NT5DC1: variants seen among roughly 807,000 people sequenced by gnomAD.
The protein encoded by NT5DC1 is 5'-nucleotidase domain containing 1.
NT5DC1 carries 42 observed loss-of-function variants against 59.4 expected under a neutral mutation model. That is an observed-to-expected ratio of 0.71 (90% CI 0.55 to 0.92). The LOEUF (loss-of-function observed/expected upper bound fraction) is 0.92. Ranked by LOEUF, NT5DC1 falls within the 40% of genes least tolerant of loss-of-function variation. NT5DC1 has a pLI of 0.00. For synonymous variants in NT5DC1, 172 were observed against 188.1 expected (o/e 0.91, Z 0.70); for missense variants, 501 against 537.1 (o/e 0.93, Z 0.66).
chr6:116,214,501 G>T (rs937848458), intron 6 of NT5DC1, among the ~76,000 whole-genome samples: 2 of 152,002 alleles, frequency 1.3e-5, no homozygotes, highest in African/African-American at 4.8e-5. Flanking sequence ...GTTTTATAGG[G>T]GTATTCTACT....
At chr6:116,227,831 A>G (rs1290610228) in intron 8 of NT5DC1, among the ~76,000 whole-genome samples, 2 of 151,968 alleles carry the variant, frequency 1.3e-5, no homozygotes, top group African/African-American at 2.4e-5. Flanking sequence ...TACTATTGAG[A>G]TGAGTTCCTT....
rs1192728444 is a variant in NT5DC1, at chr6:116,240,293, GA to G, written c.1252+1177del. On this transcript the variant is annotated intron_variant, in intron 11 of 11. Coordinates refer to ENST00000319550, the MANE Select transcript of NT5DC1 (RefSeq NM_152729.3). ...AATTGTGGATAAAAATTATTCAGAG[GA>G]AAAAAATAATAAAACAATACAACAA... 3.2e-4 allele frequency among the ~76,000 whole-genome samples: 48 copies of G among 151,962 alleles called. 1 individual carries two copies. Among genetic ancestry groups the G allele is most frequent in the Admixed American group, 2.9e-3 (45 of 15,262 alleles).
intron 8 of NT5DC1, among the ~76,000 whole-genome samples, chr6:116,231,290 G>C (rs1466158906): frequency 6.6e-6 from 1 of 151,684 alleles, no homozygotes; most frequent in African/African-American, 2.4e-5. Flanking sequence ...CCAAGAAACA[G>C]AGAAAGTATG....
intron 6 of NT5DC1, among the ~76,000 whole-genome samples, chr6:116,199,822 G>A (rs1204843): frequency 0.43 from 64,560 of 151,852 alleles, 17,648 homozygotes; most frequent in African/African-American, 0.78. Context: ...AATGAGTCTG[G>A]TATAAATAAG....
intron 6 of NT5DC1, among the ~76,000 whole-genome samples, chr6:116,128,772 G>A (rs1240969025): frequency 1.3e-5 from 2 of 152,148 alleles, no homozygotes; most frequent in Admixed American, 1.3e-4. Context: ...AAATAGTGGT[G>A]GTTCAAAGAC....
chr6:116,139,708 T>C (rs1779715519), intron 6 of NT5DC1, among the ~76,000 whole-genome samples: 1 of 152,176 alleles, frequency 6.6e-6, no homozygotes, highest in African/African-American at 2.4e-5. Context: ...TATGGTTCTT[T>C]AGATCTTTCT....
chr6:116,244,041 A>G lies in NT5DC1; in HGVS notation c.*17A>G, dbSNP rs866663913. 9.4e-7 allele frequency: 1 copy of G among 1,067,590 alleles called. No individual in the cohort carries two copies. The highest frequency in any genetic ancestry group is 2.0e-4 in the Middle Eastern group (1 of 4,886). The allele number at this position is 1,067,590 out of a possible 1,614,324, so 66.1% of individuals were successfully genotyped here. A position where few individuals can be genotyped will look rare whatever the true frequency, so the allele number is the denominator to read the frequency against. The stretch of plus-strand genomic sequence containing the variant: ...TCCAAATAAGTTGTCTTTACTGAAA[A>G]ATGAAGTGAAGACCCATATATGCAG... On this transcript the variant is annotated 3_prime_UTR_variant, in exon 12 of 12. Transcript: ENST00000319550.
At chr6:116,127,267 C>A (rs1475671948) in intron 6 of NT5DC1, among the ~76,000 whole-genome samples, 1 of 152,094 alleles carries the variant, frequency 6.6e-6, no homozygotes, top group African/African-American at 2.4e-5. Flanking sequence ...CCCTTTCTCT[C>A]CCCTTCAAGC....
intron 6 of NT5DC1, among the ~76,000 whole-genome samples, chr6:116,142,205 A>T (rs1194694203): frequency 6.6e-6 from 1 of 152,080 alleles, no homozygotes; most frequent in African/African-American, 2.4e-5. Context: ...TTTATTTTTC[A>T]GAAGTTGTGG....
At chr6:116,159,385 A>G (rs1176545471) in intron 6 of NT5DC1, among the ~76,000 whole-genome samples, 3 of 152,166 alleles carry the variant, frequency 2.0e-5, no homozygotes, top group Admixed American at 6.5e-5. Flanking sequence ...TAATTATTTG[A>G]GAATTTACAC....
intron 6 of NT5DC1, among the ~76,000 whole-genome samples, chr6:116,199,113 G>A (rs566718834): frequency 2.0e-5 from 3 of 152,036 alleles, no homozygotes; most frequent in South Asian, 4.2e-4. Flanking sequence ...ATGTCCCTGG[G>A]GGGTGAGGGG....
chr6:116,174,839 A>T (rs1000202309), intron 6 of NT5DC1, among the ~76,000 whole-genome samples: 3 of 152,126 alleles, frequency 2.0e-5, no homozygotes, highest in African/African-American at 7.2e-5. Flanking sequence ...ACCTAATGGG[A>T]TTATTAATAG....
At chr6:116,236,723 A>G (rs1404775684) in intron 8 of NT5DC1, among the ~76,000 whole-genome samples, 2 of 152,214 alleles carry the variant, frequency 1.3e-5, no homozygotes, top group Non-Finnish European at 1.5e-5. Context: ...ATCACTTACC[A>G]GCATTGAGAT....
chr6:116,150,298 T>A (rs1780007344), intron 6 of NT5DC1, among the ~76,000 whole-genome samples: 1 of 152,126 alleles, frequency 6.6e-6, no homozygotes, highest in East Asian at 1.9e-4. Context: ...TTAATTATTA[T>A]TTTTTCAGAC....
At chr6:116,224,385 G>C (rs975362487) in intron 8 of NT5DC1, among the ~76,000 whole-genome samples, 1 of 152,168 alleles carries the variant, frequency 6.6e-6, no homozygotes. Context: ...CTGTGCACCA[G>C]ACAGATGTGT....
intron 6 of NT5DC1, among the ~76,000 whole-genome samples, chr6:116,173,074 C>T (rs1230718452): frequency 6.6e-6 from 1 of 152,090 alleles, no homozygotes. Context: ...TTATGTTCTT[C>T]TATAACTTTT....
In NT5DC1 at chr6:116,100,863, A is replaced by AGCGTCCCGCC. The variant is rs1778624874; in HGVS notation, c.-67_-58dup. The AGCGTCCCGCC allele has an allele frequency of 1.6e-6, 2 of 1,254,038 alleles. No individual in the cohort carries two copies. Among genetic ancestry groups the AGCGTCCCGCC allele is most frequent in the Non-Finnish European group, 2.2e-6 (2 of 905,310 alleles). The allele number at this position is 1,254,038 out of a possible 1,614,324, so 77.7% of individuals were successfully genotyped here. A position where few individuals can be genotyped will look rare whatever the true frequency, so the allele number is the denominator to read the frequency against. ...CGCGTCCGGCCCGGTCCTGTCCCGC[A>AGCGTCCCGCC]GCGTCCCGCCAGCCAGCTCCTTGCA... On this transcript the variant is annotated 5_prime_UTR_variant, in exon 1 of 12. Coordinates refer to ENST00000319550, the MANE Select transcript of NT5DC1 (RefSeq NM_152729.3).
chr6:116,202,691 G>A (rs565687449), intron 6 of NT5DC1, among the ~76,000 whole-genome samples: 29 of 152,066 alleles, frequency 1.9e-4, no homozygotes, highest in Admixed American at 5.2e-4. Context: ...TGAGATTATA[G>A]TCTAGGAAAG....
chr6:116,232,125 A>G (rs1204076714), intron 8 of NT5DC1, among the ~76,000 whole-genome samples: 3 of 144,474 alleles, frequency 2.1e-5, no homozygotes, highest in African/African-American at 7.9e-5. Context: ...CTCTGTGTCT[A>G]TCTGTGTCCT....
Sources: allele counts gnomAD v4.1 joint callset (sites outside exome capture counted in the v4.1 genomes callset), GRCh38; gene constraint gnomAD v4.1.1; transcripts MANE v1.5; gene names NCBI Gene and HGNC (gene_info 2026-07-23, HGNC 2026-07-21).